PTPRN2: variants seen among roughly 807,000 people sequenced by gnomAD.
PTPRN2 encodes the protein receptor-type tyrosine-protein phosphatase N2.
In PTPRN2, 74 loss-of-function variants were observed where a neutral mutation model predicts 118.8. The observed-to-expected ratio is 0.62, with a 90% CI of 0.52 to 0.76. The LOEUF (loss-of-function observed/expected upper bound fraction) is 0.76. Among genes scored for constraint, PTPRN2 ranks in the 30% least tolerant of loss-of-function variants. PTPRN2 has a pLI of 0.00. For missense variants in PTPRN2, 1,481 were observed against 1,394.4 expected (o/e 1.06, Z -0.99); for synonymous variants, 641 against 608.0 (o/e 1.05, Z -0.80).
At chr7:157,696,070 C>T (rs1185899016) in intron 12 of PTPRN2, among the ~76,000 whole-genome samples, 1 of 139,734 alleles carries the variant, frequency 7.2e-6, no homozygotes, top group Non-Finnish European at 1.5e-5. Flanking sequence ...AGAGCCCTCA[C>T]CATCTACCCA....
chr7:157,649,393 G>C (rs1449250157), intron 14 of PTPRN2, among the ~76,000 whole-genome samples: 7 of 105,066 alleles, frequency 6.7e-5, no homozygotes, highest in African/African-American at 1.0e-4. Context: ...GACCCATCCA[G>C]CGTGCACTGA....
intron 2 of PTPRN2, among the ~76,000 whole-genome samples, chr7:158,474,822 G>A (rs1052606913): frequency 4.6e-5 from 7 of 152,236 alleles, no homozygotes; most frequent in Non-Finnish European, 8.8e-5. Flanking sequence ...GGAAGCACTC[G>A]CTGTTCAGCG....
chr7:158,067,302 G>C (rs1225440382), intron 11 of PTPRN2, among the ~76,000 whole-genome samples: 1 of 152,340 alleles, frequency 6.6e-6, no homozygotes, highest in South Asian at 2.1e-4. Context: ...CTTCCCTGCC[G>C]CTGCTCCGGC....
At chr7:158,336,487 C>T (rs1361377527) in intron 2 of PTPRN2, among the ~76,000 whole-genome samples, 6 of 134,604 alleles carry the variant, frequency 4.5e-5, no homozygotes, top group Admixed American at 7.4e-5. Flanking sequence ...TAAGAGCTGA[C>T]GCCCGCAGAT....
At chr7:158,490,597 G>A (rs1197849132) in intron 1 of PTPRN2, among the ~76,000 whole-genome samples, 2 of 152,222 alleles carry the variant, frequency 1.3e-5, no homozygotes, top group African/African-American at 4.8e-5. Flanking sequence ...CTCCCGCGAG[G>A]GCGTGAGCAC....
At chr7:158,562,205 A>G (rs544198874) in intron 1 of PTPRN2, among the ~76,000 whole-genome samples, 74 of 152,246 alleles carry the variant, frequency 4.9e-4, no homozygotes, top group Non-Finnish European at 9.3e-4. Flanking sequence ...TCGGCATCCC[A>G]AGGTCCTGCT....
chr7:157,685,622 C>T lies in PTPRN2; in HGVS notation c.1789-2685G>A, dbSNP rs146114807. 4.6e-3 allele frequency among the ~76,000 whole-genome samples: 699 copies of T among 152,254 alleles called. 3 individuals carry two copies. The highest frequency in any genetic ancestry group is 8.2e-3 in the Non-Finnish European group (561 of 68,002). Reference sequence around the variant, plus strand: ...GACCCGGGGCCAGCCGAGGCTGTTCCCAGGGAGGCAGACACCTGCTGTCGC... The same window carrying T: ...GACCCGGGGCCAGCCGAGGCTGTTCTCAGGGAGGCAGACACCTGCTGTCGC... On this transcript the variant is annotated intron_variant, in intron 12 of 22. Transcript: ENST00000389418.
intron 12 of PTPRN2, among the ~76,000 whole-genome samples, chr7:157,752,185 G>T (rs1416670102): frequency 6.6e-6 from 1 of 152,210 alleles, no homozygotes; most frequent in Non-Finnish European, 1.5e-5. Flanking sequence ...GCTCGGCTGG[G>T]TTTTCTCCAG....
chr7:157,850,962 A>T (rs1446183425), intron 12 of PTPRN2, among the ~76,000 whole-genome samples: 1 of 152,206 alleles, frequency 6.6e-6, no homozygotes, highest in East Asian at 1.9e-4. Flanking sequence ...AAGCAAAGCG[A>T]GTTCTTGCTG....
In PTPRN2 at chr7:157,671,001, G is replaced by A. The variant is rs190148720; in HGVS notation, c.2001+11724C>T. On this transcript the variant is annotated intron_variant, in intron 13 of 22. Coordinates refer to ENST00000389418, the MANE Select transcript of PTPRN2 (RefSeq NM_002847.5). The surrounding 1 kb of genome is among the most constrained non-coding windows in gnomAD (Gnocchi z 4.1). ...TCATGTGCCATCCCTGTCATCACCC[G>A]CATCTTCAGCCTGCAGCGCGTAGGG... Among the ~76,000 whole-genome samples the A allele has an allele frequency of 7.2e-5, 11 of 152,204 alleles. No homozygotes were observed. Among genetic ancestry groups the A allele is most frequent in the South Asian group, 6.2e-4 (3 of 4,816 alleles).
intron 12 of PTPRN2, among the ~76,000 whole-genome samples, chr7:157,739,934 C>G (rs75671693): frequency 0.064 from 9,746 of 152,322 alleles, 592 homozygotes; most frequent in African/African-American, 0.16. Context: ...ACCTCTTCCT[C>G]TTCCAGAAGC....
intron 12 of PTPRN2, among the ~76,000 whole-genome samples, chr7:157,773,316 G>A (rs1481919755): frequency 1.3e-5 from 2 of 152,176 alleles, no homozygotes; most frequent in Non-Finnish European, 2.9e-5. Flanking sequence ...CCCCTTCTGT[G>A]AGTGGGAGTC....
In PTPRN2 at chr7:157,763,772, G is replaced by A. The variant is rs1802285950; in HGVS notation, c.1789-80835C>T. Among the ~76,000 whole-genome samples the A allele has an allele frequency of 6.6e-6, 1 of 152,086 alleles. No homozygotes were observed. The highest frequency in any genetic ancestry group is 2.1e-4 in the South Asian group (1 of 4,818). ...AGTCTCCTGAGGGCAGGAGAGCCCC[G>A]GCAGTGGTAGGAGGAGGCTGCACCG... On this transcript the variant is annotated intron_variant, in intron 12 of 22. Coordinates refer to ENST00000389418, the MANE Select transcript of PTPRN2 (RefSeq NM_002847.5). The surrounding 1 kb of genome is among the most constrained non-coding windows in gnomAD (Gnocchi z 4.9).
At position 158,515,606 on chromosome 7, in the gene PTPRN2, G is replaced by T. The variant is rs529585368; in HGVS notation, c.113-25821C>A. Among the ~76,000 whole-genome samples the T allele has an allele frequency of 5.3e-5, 8 of 152,318 alleles. No homozygotes were observed. The South Asian group carries it at 1.7e-3, about 32-fold the overall frequency. On this transcript the variant is annotated intron_variant, in intron 1 of 22. Coordinates refer to ENST00000389418, the MANE Select transcript of PTPRN2 (RefSeq NM_002847.5). ...TGCTCCCAATGGGAGGCGAGTCCCA[G>T]GGGCTTTTTCCACCTCATTCCATGC...
intron 1 of PTPRN2, among the ~76,000 whole-genome samples, chr7:158,586,740 C>T (rs925106619): frequency 6.6e-6 from 1 of 152,138 alleles, no homozygotes; most frequent in African/African-American, 2.4e-5. Flanking sequence ...CCTCTGATTT[C>T]GGCGGCGCTG....
At chr7:158,397,276 G>C (rs373534509) in intron 2 of PTPRN2, among the ~76,000 whole-genome samples, 3 of 152,304 alleles carry the variant, frequency 2.0e-5, no homozygotes, top group East Asian at 3.9e-4. Flanking sequence ...CCAATGTGGG[G>C]CCACTCTGCA....
intron 1 of PTPRN2, among the ~76,000 whole-genome samples, chr7:158,569,861 C>T (rs1827899896): frequency 6.6e-6 from 1 of 150,396 alleles, no homozygotes; most frequent in South Asian, 2.1e-4. Flanking sequence ...GCCTGACTGA[C>T]AGGAACGCGG....
At chr7:158,352,527 G>A (rs950987358) in intron 2 of PTPRN2, among the ~76,000 whole-genome samples, 5 of 152,232 alleles carry the variant, frequency 3.3e-5, no homozygotes, top group East Asian at 1.9e-4. Flanking sequence ...CCCCTCCCGT[G>A]CTGCAGCCGA....
intron 6 of PTPRN2, among the ~76,000 whole-genome samples, chr7:158,163,068 T>A (rs997588899): frequency 3.3e-5 from 5 of 152,162 alleles, no homozygotes; most frequent in African/African-American, 1.2e-4. Context: ...CAGAAATCAT[T>A]CGATGTCTGG....
Sources: allele counts gnomAD v4.1 joint callset (sites outside exome capture counted in the v4.1 genomes callset), GRCh38; gene constraint gnomAD v4.1.1; non-coding constraint Gnocchi (gnomAD v3.1); transcripts MANE v1.5; gene names NCBI Gene and HGNC (gene_info 2026-07-23, HGNC 2026-07-21).